Variants in ATXN7 observed in about 807,000 individuals in gnomAD.
The protein encoded by ATXN7 is ataxin 7.
ATXN7 carries 12 observed loss-of-function variants against 70.5 expected under a neutral mutation model. That is an observed-to-expected ratio of 0.17 (90% CI 0.11 to 0.28). The LOEUF is 0.28. ATXN7 is among the 10% of genes least tolerant of loss of function. The pLI is 1.00. For synonymous variants in ATXN7, 498 were observed against 448.7 expected, an observed-to-expected ratio of 1.11 and a Z score of -1.39; for missense variants, 1,256 against 1,131.7, an observed-to-expected ratio of 1.11 and a Z score of -1.58.
intron 4 of ATXN7, among the ~76,000 whole-genome samples, chr3:63,924,491 G>A (rs759405505): frequency 6.6e-6 from 1 of 152,154 alleles, no homozygotes; most frequent in Admixed American, 6.5e-5. Flanking sequence ...TGAGCCTTGG[G>A]TCCCTCCACA....
At chr3:63,927,436 A>G (rs1001305883) in intron 4 of ATXN7, among the ~76,000 whole-genome samples, 1 of 152,162 alleles carries the variant, frequency 6.6e-6, no homozygotes, top group Admixed American at 6.5e-5. Context: ...CCGGAGGGGG[A>G]AAACAGTATA....
Position 63,996,024 on chromosome 3 carries a change from T to A in ATXN7, c.2202T>A (p.Phe734Leu). 1.2e-6 allele frequency: 2 copies of A among 1,614,148 alleles called. No homozygotes were observed. Among genetic ancestry groups the A allele is most frequent in the Non-Finnish European group, 8.5e-7 (1 of 1,180,024 alleles). The change falls in exon 12 of 13, where the codon TTT (phenylalanine) becomes TTA (leucine). Residue 734 changes from phenylalanine to leucine, a missense_variant. Phe to Leu is a conservative substitution (Grantham distance 22). Transcript: ENST00000674280. ...SSSSSHSMES[F>L]RKNCVAHSGP... Reference sequence around the variant, plus strand: ...CTTCTTCTCATTCCATGGAGTCTTTTAGGAAAAACTGTGTGGCTCACTCTG... The same window carrying A: ...CTTCTTCTCATTCCATGGAGTCTTTAAGGAAAAACTGTGTGGCTCACTCTG...
At chr3:63,996,617 TA>T (rs752406394) in intron 12 of ATXN7, 134 bp downstream of exon 12, 14,520 of 200,802 alleles carry the variant, frequency 0.072, 63 homozygotes, top group South Asian at 0.088. Context: ...GGTGTCTTCT[TA>T]AAAAAAAAAA....
intron 1 of ATXN7, among the ~76,000 whole-genome samples, chr3:63,874,008 T>G (rs1702672836): frequency 6.6e-6 from 1 of 152,208 alleles, no homozygotes; most frequent in Non-Finnish European, 1.5e-5. Context: ...GCCCCGAGGA[T>G]TCTTAAACTC....
chr3:63,998,857 T>C (rs1451571451), intron 12 of ATXN7: 2 of 249,208 alleles, frequency 8.0e-6, no homozygotes, highest in South Asian at 3.0e-4. Flanking sequence ...CAAAAATAAC[T>C]GGGCTAGTTG....
At chr3:63,915,324 C>T (rs1046987157) in intron 4 of ATXN7, among the ~76,000 whole-genome samples, 6 of 152,152 alleles carry the variant, frequency 3.9e-5, no homozygotes, top group East Asian at 1.9e-4. Flanking sequence ...CCACTTGGAA[C>T]GTACACCTGT....
In ATXN7 at chr3:63,891,542, C is replaced by T. The variant is rs185689510; in HGVS notation, c.-110-6857C>T. Among the ~76,000 whole-genome samples, 6 of 150,206 alleles carry T rather than the reference C, an allele frequency of 4.0e-5. No individual in the cohort carries two copies. In the East Asian group the frequency reaches 6.0e-4, roughly 15 times the overall value. On this transcript the variant is annotated intron_variant, in intron 1 of 12. Coordinates refer to ENST00000674280, the MANE Select transcript of ATXN7 (RefSeq NM_001377405.1). Reference sequence around the variant, plus strand: ...CTCGCTGTGTTGCCTAGGCTGATCTCGAACTCCTGGCCTCAAGGGATCCTC... The same window carrying T: ...CTCGCTGTGTTGCCTAGGCTGATCTTGAACTCCTGGCCTCAAGGGATCCTC...
At chr3:63,868,595 C>A (rs1702504336) in intron 1 of ATXN7, among the ~76,000 whole-genome samples, 1 of 151,992 alleles carries the variant, frequency 6.6e-6, no homozygotes, top group African/African-American at 2.4e-5. Context: ...ATTGAGTGGT[C>A]CCCAAATATA....
chr3:63,986,753 G>T (rs144198299), intron 8 of ATXN7, among the ~76,000 whole-genome samples: 214 of 152,262 alleles, frequency 1.4e-3, no homozygotes, highest in Non-Finnish European at 2.5e-3. Context: ...GGTAGACATA[G>T]TTTGCAGTGT....
rs566647994 is a variant in ATXN7, at chr3:63,938,339, T to G, written c.395-14040T>G. On this transcript the variant is annotated intron_variant, in intron 4 of 12. Coordinates refer to ENST00000674280, the MANE Select transcript of ATXN7 (RefSeq NM_001377405.1). Reference sequence around the variant, plus strand: ...GATGAACTAACGATCAAAACAAACTTGCATTTAAGTATTTCCCAGTGGTAA... The same window carrying G: ...GATGAACTAACGATCAAAACAAACTGGCATTTAAGTATTTCCCAGTGGTAA... Among the ~76,000 whole-genome samples, 9 of 152,344 alleles carry G rather than the reference T, an allele frequency of 5.9e-5. No individual in the cohort carries two copies. The South Asian group carries it at 1.2e-3, about 21-fold the overall frequency.
At chr3:63,997,891 C>T in intron 12 of ATXN7, 1 of 985,408 alleles carries the variant, frequency 1.0e-6, no homozygotes, top group Non-Finnish European at 1.2e-6. Context: ...TAACTAGCTG[C>T]ATGCATTATG....
chr3:63,925,687 G>T (rs1015415741), intron 4 of ATXN7, among the ~76,000 whole-genome samples: 1 of 152,182 alleles, frequency 6.6e-6, no homozygotes, highest in African/African-American at 2.4e-5. Flanking sequence ...CTGGATAGTG[G>T]GAGTGTGTGC....
intron 5 of ATXN7, among the ~76,000 whole-genome samples, chr3:63,953,886 G>A (rs1338714778): frequency 6.6e-6 from 1 of 152,038 alleles, no homozygotes; most frequent in Non-Finnish European, 1.5e-5. Context: ...GACCTCAAGT[G>A]ATCCGCCCAC....
intron 5 of ATXN7, among the ~76,000 whole-genome samples, chr3:63,963,836 T>C (rs2075173181): frequency 6.6e-6 from 1 of 152,212 alleles, no homozygotes. Context: ...ACATACTTAA[T>C]TACTGGTGGT....
chr3:63,871,045 C>T (rs139553026), intron 1 of ATXN7, among the ~76,000 whole-genome samples: 69 of 152,312 alleles, frequency 4.5e-4, no homozygotes, highest in African/African-American at 1.6e-3. Flanking sequence ...ATTTGGTGAC[C>T]TGATAACTGC....
At chr3:63,978,836 G>T (rs2075435244) in intron 5 of ATXN7, among the ~76,000 whole-genome samples, 1 of 152,116 alleles carries the variant, frequency 6.6e-6, no homozygotes, top group Non-Finnish European at 1.5e-5. Context: ...AAGAAGCTCA[G>T]GACTGCTATA....
chr3:63,916,881 G>A (rs2107308617), intron 4 of ATXN7, among the ~76,000 whole-genome samples: 1 of 152,234 alleles, frequency 6.6e-6, no homozygotes, highest in South Asian at 2.1e-4. Context: ...TTGGTGGGAA[G>A]AAATTGGTAA....
intron 5 of ATXN7, among the ~76,000 whole-genome samples, chr3:63,970,247 A>C (rs573841992): frequency 6.6e-6 from 1 of 152,098 alleles, no homozygotes; most frequent in African/African-American, 2.4e-5. Flanking sequence ...TACTTTCCCT[A>C]AGTGTTGTGT....
chr3:63,975,652 A>T (rs1389811541), intron 5 of ATXN7, among the ~76,000 whole-genome samples: 1 of 152,154 alleles, frequency 6.6e-6, no homozygotes, highest in African/African-American at 2.4e-5. Context: ...GTGTACCTGG[A>T]TGTTAATACT....
Sources: gnomAD v4.1 joint callset for allele counts (sites outside exome capture counted in the v4.1 genomes callset) on GRCh38, gnomAD v4.1.1 for gene constraint, MANE v1.5 for transcripts, NCBI Gene and HGNC (gene_info 2026-07-23, HGNC 2026-07-21) for gene names.